PRKN: variants seen among roughly 807,000 people sequenced by gnomAD.
PRKN encodes the protein E3 ubiquitin-protein ligase parkin.
PRKN carries 56 observed loss-of-function variants against 59.5 expected under a neutral mutation model. The observed-to-expected ratio is 0.94, with a 90% CI of 0.76 to 1.18. The LOEUF (loss-of-function observed/expected upper bound fraction) is 1.18, where lower values mean the gene tolerates loss of function less well. Among genes scored for constraint, PRKN ranks in the 50% most tolerant of loss-of-function variants. The pLI is 0.00. For missense variants in PRKN, 657 were observed against 596.4 expected (o/e 1.10, Z -1.06); for synonymous variants, 250 against 222.1 (o/e 1.13, Z -1.12).
At chr6:162,416,911 A>T (rs1338974478) in intron 2 of PRKN, among the ~76,000 whole-genome samples, 1 of 152,170 alleles carries the variant, frequency 6.6e-6, no homozygotes, top group African/African-American at 2.4e-5. Context: ...AATGGATAAG[A>T]ATGTGTTTGA....
intron 3 of PRKN, among the ~76,000 whole-genome samples, chr6:162,252,434 G>T (rs902839291): frequency 2.0e-5 from 3 of 152,210 alleles, no homozygotes; most frequent in Non-Finnish European, 2.9e-5. Flanking sequence ...CCTGCTTCAG[G>T]AATGCAAACT....
intron 2 of PRKN, among the ~76,000 whole-genome samples, chr6:162,419,477 T>C (rs1434223090): frequency 6.6e-6 from 1 of 151,982 alleles, no homozygotes; most frequent in Non-Finnish European, 1.5e-5. Flanking sequence ...GAATAAGACA[T>C]TTACTATTCT....
At chr6:162,092,663 T>C (rs1038739859) in intron 4 of PRKN, among the ~76,000 whole-genome samples, 1 of 152,242 alleles carries the variant, frequency 6.6e-6, no homozygotes, top group African/African-American at 2.4e-5. Context: ...GTATCATCAT[T>C]ATCTGCTGTT....
In PRKN at chr6:162,489,430, G is replaced by C. The variant is rs116462381; in HGVS notation, c.8-45957C>G. Among the ~76,000 whole-genome samples, 772 of 152,238 alleles carry C rather than the reference G, an allele frequency of 5.1e-3. 7 individuals carry two copies. Among genetic ancestry groups the C allele is most frequent in the African/African-American group, 0.018 (739 of 41,550 alleles). ...TATTAAAACTCTGTATTTTTCAACT[G>C]CCTGCACTGAGGAAAGATAGAAAAT... On this transcript the variant is annotated intron_variant, in intron 1 of 11. Coordinates refer to ENST00000366898, the MANE Select transcript of PRKN (RefSeq NM_004562.3).
chr6:162,641,748 T>C lies in PRKN; in HGVS notation c.7+85914A>G, dbSNP rs373325206. ...CTAAGGCCAATTTATCATTTTAACA[T>C]AGAGAAGTCATTTTCTAGTTTTGTT... On this transcript the variant is annotated intron_variant, in intron 1 of 11. Transcript: ENST00000366898. 5.9e-5 allele frequency among the ~76,000 whole-genome samples: 9 copies of C among 152,336 alleles called. 1 individual carries two copies. Among genetic ancestry groups the C allele is most frequent in the South Asian group, 2.1e-4 (1 of 4,828 alleles).
intron 2 of PRKN, among the ~76,000 whole-genome samples, chr6:162,380,060 T>C (rs1027781812): frequency 2.0e-5 from 3 of 152,142 alleles, no homozygotes; most frequent in African/African-American, 7.2e-5. Flanking sequence ...CACCCACTAG[T>C]ATATTATACT....
intron 1 of PRKN, among the ~76,000 whole-genome samples, chr6:162,563,983 CA>C (rs34846475): frequency 0.26 from 38,747 of 146,586 alleles, 6,038 homozygotes; most frequent in Non-Finnish European, 0.36. Flanking sequence ...TCTGAGGAGA[CA>C]AAAAAAAAAA....
At chr6:161,860,237 A>T (rs1201360131) in intron 6 of PRKN, among the ~76,000 whole-genome samples, 1 of 152,152 alleles carries the variant, frequency 6.6e-6, no homozygotes, top group Non-Finnish European at 1.5e-5. Flanking sequence ...GAGTGTATTG[A>T]TTCATTCATT....
intron 9 of PRKN, among the ~76,000 whole-genome samples, chr6:161,524,968 GC>G (rs1778966098): frequency 6.6e-6 from 1 of 152,080 alleles, no homozygotes; most frequent in Admixed American, 6.6e-5. Context: ...GTGAAATTCT[GC>G]AGCCTGGTTT....
At chr6:162,701,207 T>C (rs909337295) in intron 1 of PRKN, among the ~76,000 whole-genome samples, 1 of 152,128 alleles carries the variant, frequency 6.6e-6, no homozygotes, top group African/African-American at 2.4e-5. Flanking sequence ...CAAAATTCAA[T>C]GTGATTATAA....
chr6:161,957,029 G>A (rs776648511), intron 6 of PRKN, among the ~76,000 whole-genome samples: 13 of 152,164 alleles, frequency 8.5e-5, no homozygotes, highest in Non-Finnish European at 1.6e-4. Flanking sequence ...TCAGACACCC[G>A]CTGGAAGACC....
At chr6:162,337,303 C>T (rs888273578) in intron 2 of PRKN, among the ~76,000 whole-genome samples, 1 of 152,172 alleles carries the variant, frequency 6.6e-6, no homozygotes, top group African/African-American at 2.4e-5. Flanking sequence ...CTCCCCCATC[C>T]TCACATAACC....
intron 6 of PRKN, among the ~76,000 whole-genome samples, chr6:161,948,008 CAG>C (rs1435283972): frequency 6.6e-6 from 1 of 151,850 alleles, no homozygotes; most frequent in African/African-American, 2.4e-5. Context: ...TTTTTTGAGA[CAG>C]AGTCTTGCTC....
chr6:161,951,332 G>A (rs1779982785), intron 6 of PRKN, among the ~76,000 whole-genome samples: 1 of 152,148 alleles, frequency 6.6e-6, no homozygotes, highest in Non-Finnish European at 1.5e-5. Flanking sequence ...TTTAATCTCA[G>A]CAATGTGCTA....
intron 7 of PRKN, among the ~76,000 whole-genome samples, chr6:161,627,829 A>G (rs1446462174): frequency 6.6e-6 from 1 of 152,220 alleles, no homozygotes; most frequent in African/African-American, 2.4e-5. Context: ...TCATTCAGTA[A>G]TGATACAAAG....
rs375211143 is a variant in PRKN, at chr6:161,718,941, A to G, written c.871+66831T>C. ...GCATCTCACAATTATAGATAATCTC[A>G]TGGAGCAGGCTAATTACATTCCAAT... On this transcript the variant is annotated intron_variant, in intron 7 of 11. Coordinates refer to ENST00000366898, the MANE Select transcript of PRKN (RefSeq NM_004562.3). 6.1e-4 allele frequency among the ~76,000 whole-genome samples: 93 copies of G among 152,308 alleles called. 1 individual carries two copies. Among genetic ancestry groups the G allele is most frequent in the African/African-American group, 2.2e-3 (92 of 41,578 alleles).
chr6:162,686,137 A>G (rs1779968573), intron 1 of PRKN, among the ~76,000 whole-genome samples: 1 of 152,226 alleles, frequency 6.6e-6, no homozygotes. Context: ...AAATGGTGAC[A>G]TGATTTTTCT....
At chr6:162,566,284 A>C (rs1275012449) in intron 1 of PRKN, among the ~76,000 whole-genome samples, 3 of 151,780 alleles carry the variant, frequency 2.0e-5, no homozygotes, top group Non-Finnish European at 2.9e-5. Flanking sequence ...AATAATAATA[A>C]AGATCAGAGC....
At chr6:162,659,161 C>T (rs554600724) in intron 1 of PRKN, among the ~76,000 whole-genome samples, 5 of 152,078 alleles carry the variant, frequency 3.3e-5, no homozygotes, top group East Asian at 1.9e-4. Flanking sequence ...TGAATTCAAG[C>T]GGCTGTTATT....
Sources: gnomAD v4.1 joint callset for allele counts (sites outside exome capture counted in the v4.1 genomes callset) on GRCh38, gnomAD v4.1.1 for gene constraint, MANE v1.5 for transcripts, NCBI Gene and HGNC (gene_info 2026-07-23, HGNC 2026-07-21) for gene names.